ATAT1: variants seen among roughly 807,000 people sequenced by gnomAD.
The protein encoded by ATAT1 is alpha tubulin acetyltransferase 1.
A neutral mutation model predicts 57.2 loss-of-function variants in ATAT1; 42 were observed. That is an observed-to-expected ratio of 0.73 (90% CI 0.57 to 0.95). ATAT1 has a LOEUF of 0.95. Among genes scored for constraint, ATAT1 ranks in the 40% least tolerant of loss-of-function variants. The pLI is 0.00. For missense variants in ATAT1, 454 were observed against 523.7 expected, an observed-to-expected ratio of 0.87 and a Z score of 1.30; for synonymous variants, 168 against 187.1, an observed-to-expected ratio of 0.90 and a Z score of 0.83.
intron 6 of ATAT1, among the ~76,000 whole-genome samples, chr6:30,637,556 G>A (rs888905157): frequency 4.0e-5 from 6 of 151,816 alleles, no homozygotes; most frequent in Non-Finnish European, 8.8e-5. Context: ...GGTGGCATGT[G>A]CCTGTAATCC....
intron 6 of ATAT1, among the ~76,000 whole-genome samples, chr6:30,639,638 G>A (rs1323689804): frequency 2.0e-5 from 3 of 151,636 alleles, no homozygotes; most frequent in Non-Finnish European, 2.9e-5. Context: ...CACCACATCC[G>A]GCTAATTTTT....
Position 30,642,831 on chromosome 6 carries a change from C to CGGGGG in ATAT1, c.752_753insGGGGG (p.Ala252GlyfsTer69). The CGGGGG allele has an allele frequency of 1.1e-4, 175 of 1,582,226 alleles. No individual in the cohort carries two copies. Among genetic ancestry groups the CGGGGG allele is most frequent in the Non-Finnish European group, 1.4e-4 (157 of 1,161,544 alleles). Reference sequence around the variant, plus strand: ...AGGGCCCCTCGCCGCGCCACACCTCCAGCCCACCCACCCCCCCGCTCCAGC... The same window carrying CGGGGG: ...AGGGCCCCTCGCCGCGCCACACCTCCGGGGGAGCCCACCCACCCCCCCGCTCCAGC... On this transcript the variant is annotated frameshift_variant, in exon 10 of 13. Transcript: ENST00000330083. LOFTEE classifies it high-confidence loss of function.
Position 30,628,127 on chromosome 6 carries a change from C to T in ATAT1, c.381C>T (p.Leu127=). Residue 127 remains leucine, a synonymous_variant, in exon 5 of 13, where the codon CTC becomes CTT. Coordinates refer to ENST00000330083, the MANE Select transcript of ATAT1 (RefSeq NM_001031722.4). Reference sequence around the variant, plus strand: ...AACGCCATGGCCATGGGCGAGAACTCTTCCAGTATATGTTGCAGGTATCAC... The same window carrying T: ...AACGCCATGGCCATGGGCGAGAACTTTTCCAGTATATGTTGCAGGTATCAC... The T allele has an allele frequency of 6.2e-7, 1 of 1,612,940 alleles. No individual in the cohort carries two copies. The highest frequency in any genetic ancestry group is 1.1e-5 in the South Asian group (1 of 91,088).
intron 6 of ATAT1, among the ~76,000 whole-genome samples, chr6:30,629,701 T>C (rs921696482): frequency 3.3e-5 from 5 of 152,036 alleles, no homozygotes; most frequent in African/African-American, 1.2e-4. Flanking sequence ...CCCACCACCA[T>C]ACCCAGCTAA....
In ATAT1 at chr6:30,640,378, T is replaced by C; in HGVS notation, c.503T>C (p.Val168Ala). The C allele has an allele frequency of 6.2e-7, 1 of 1,613,054 alleles. No homozygotes were observed. Among genetic ancestry groups the C allele is most frequent in the Non-Finnish European group, 8.5e-7 (1 of 1,180,022 alleles). Reference sequence around the variant, plus strand: ...TATTTTGTTTGTTTCATCTTCCAGGTGAACAACTTTGTGATCTTTGAAGGC... The same window carrying C: ...TATTTTGTTTGTTTCATCTTCCAGGCGAACAACTTTGTGATCTTTGAAGGC... Residue 168 changes from valine (V) to alanine (A), a missense_variant and splice_region_variant, in exon 7 of 13, where the codon GTG becomes GCG. Val to Ala is a moderately conservative substitution (Grantham distance 64). Transcript: ENST00000330083.
chr6:30,645,799 T>C (rs1349500309), intron 10 of ATAT1, 96 bp from the exon 11 acceptor site: 1 of 839,990 alleles, frequency 1.2e-6, no homozygotes, highest in Non-Finnish European at 1.8e-6. Flanking sequence ...TCTTTGTTCC[T>C]GTGCTATTCC....
chr6:30,644,129 C>T (rs1329277502), intron 10 of ATAT1: 1 of 986,054 alleles, frequency 1.0e-6, no homozygotes, highest in African/African-American at 1.7e-5. Flanking sequence ...AAGGGATCTA[C>T]TCACCATTGC....
chr6:30,635,588 C>CAAA (rs567508154), intron 6 of ATAT1, among the ~76,000 whole-genome samples: 1 of 78,298 alleles, frequency 1.3e-5, no homozygotes, highest in Non-Finnish European at 2.7e-5. Context: ...AACTCCATCT[C>CAAA]AAAAAAAAAA....
At chr6:30,636,544 C>T (rs1582814515) in intron 6 of ATAT1, among the ~76,000 whole-genome samples, 1 of 152,008 alleles carries the variant, frequency 6.6e-6, no homozygotes, top group African/African-American at 2.4e-5. Context: ...CCAGATCATG[C>T]CACTGCACTC....
rs1292357625 is a variant in ATAT1, at chr6:30,627,043, AC to A, written c.-159del. The A allele has an allele frequency of 6.4e-7, 1 of 1,551,438 alleles. No homozygotes were observed. Among genetic ancestry groups the A allele is most frequent in the Admixed American group, 2.0e-5 (1 of 51,232 alleles). On this transcript the variant is annotated 5_prime_UTR_variant, in exon 1 of 13. Coordinates refer to ENST00000330083, the MANE Select transcript of ATAT1 (RefSeq NM_001031722.4). ...CCCTTTTCTCCCGGTTCCTCTCCAAACCTGGTCCAGGCACCACGCCCCCTTC... is the reference window on the plus strand; with the variant it reads ...CCCTTTTCTCCCGGTTCCTCTCCAAACTGGTCCAGGCACCACGCCCCCTTC...
chr6:30,631,959 A>G (rs62408674), intron 6 of ATAT1, among the ~76,000 whole-genome samples: 1 of 152,134 alleles, frequency 6.6e-6, no homozygotes, highest in Non-Finnish European at 1.5e-5. Flanking sequence ...CCAGAGAGGT[A>G]ATGCGGAGGA....
intron 8 of ATAT1, among the ~76,000 whole-genome samples, chr6:30,641,316 CAT>C (rs1034879457): frequency 6.6e-6 from 1 of 152,204 alleles, no homozygotes; most frequent in African/African-American, 2.4e-5. Flanking sequence ...CAGCTATGAG[CAT>C]CACAGTGTCA....
At chr6:30,629,179 G>A (rs574816442) in intron 6 of ATAT1, among the ~76,000 whole-genome samples, 12 of 151,684 alleles carry the variant, frequency 7.9e-5, no homozygotes, top group East Asian at 3.9e-4. Flanking sequence ...GATTATAGGC[G>A]TGAGCCACTG....
intron 8 of ATAT1, among the ~76,000 whole-genome samples, chr6:30,641,106 T>TACACACACACACACACAC (rs1262818896): frequency 3.9e-4 from 55 of 140,936 alleles, no homozygotes; most frequent in South Asian, 1.5e-3. Flanking sequence ...CCCCATCCCA[T>TACACACACACACACACAC]ATACACACAT....
intron 10 of ATAT1, chr6:30,644,254 C>G: frequency 1.0e-6 from 1 of 985,874 alleles, no homozygotes; most frequent in Non-Finnish European, 1.2e-6. Flanking sequence ...TCCAGATTCT[C>G]TGAGGGAGGT....
In ATAT1 at chr6:30,638,448, AC is replaced by A. The variant is rs201686138; in HGVS notation, c.502-1928del. 2.0e-3 allele frequency among the ~76,000 whole-genome samples: 303 copies of A among 151,368 alleles called. 2 individuals carry two copies. The highest frequency in any genetic ancestry group is 0.014 in the East Asian group (71 of 5,034). ...GCTAGGATTACAGGCGCACGTCACC[AC>A]ACCCAGCTAATTTTTGTATTTTTAG... On this transcript the variant is annotated intron_variant, in intron 6 of 12. Transcript: ENST00000330083.
chr6:30,642,602 C>G (rs1765690962), intron 9 of ATAT1, among the ~76,000 whole-genome samples, 166 bp from the exon 10 acceptor site: 1 of 151,004 alleles, frequency 6.6e-6, no homozygotes, highest in African/African-American at 2.4e-5. Flanking sequence ...AAGATCGTGC[C>G]ACTGCACTCC....
chr6:30,629,607 C>T (rs1464035044), intron 6 of ATAT1, among the ~76,000 whole-genome samples: 3 of 151,902 alleles, frequency 2.0e-5, no homozygotes, highest in Admixed American at 6.6e-5. Context: ...TGCAGTGGCA[C>T]GATCTCAGCT....
Position 30,643,125 on chromosome 6 carries a change from G to C in ATAT1, c.932+114G>C, listed in dbSNP as rs192790586. 7.9e-4 allele frequency: 1,201 copies of C among 1,512,452 alleles called. 3 individuals carry two copies. The highest frequency in any genetic ancestry group is 2.2e-3 in the Admixed American group (95 of 43,872). The allele number at this position is 1,512,452 out of a possible 1,614,324, so 93.7% of individuals were successfully genotyped here. A position where few individuals can be genotyped will look rare whatever the true frequency, so the allele number is the denominator to read the frequency against. On this transcript the variant is annotated intron_variant, in intron 10 of 12. Coordinates refer to ENST00000330083, the MANE Select transcript of ATAT1 (RefSeq NM_001031722.4). ...TGGATCAATAAGATGGGTGGCTTGG[G>C]GGGGGTCCTGAAACCTTTCAAGAAA...
Sources: allele counts gnomAD v4.1 joint callset (sites outside exome capture counted in the v4.1 genomes callset), GRCh38; gene constraint gnomAD v4.1.1; transcripts MANE v1.5; gene names NCBI Gene and HGNC (gene_info 2026-07-23, HGNC 2026-07-21).